IFNL3: variants seen among roughly 807,000 people sequenced by gnomAD.
IFNL3 encodes interferon lambda 3.
IFNL3 carries 16 observed loss-of-function variants against 16.3 expected under a neutral mutation model. That is an observed-to-expected ratio of 0.98 (90% CI 0.67 to 1.50). IFNL3 has a LOEUF of 1.50. IFNL3 is among the 40% of genes most tolerant of loss of function. The pLI is 0.00. For missense variants in IFNL3, 254 were observed against 253.5 expected (o/e 1.00, Z -0.01); for synonymous variants, 115 against 115.3 (o/e 1.00, Z 0.02).
intron 2 of IFNL3, 106 bp downstream of exon 2, chr19:39,244,310 TG>T: frequency 7.0e-7 from 1 of 1,430,450 alleles, no homozygotes; most frequent in Non-Finnish European, 9.4e-7. Context: ...GTAGCAGGTG[TG>T]GGGAGAGGAG....
In IFNL3 at chr19:39,243,803, C is replaced by T. The variant is rs764327213; in HGVS notation, c.492+21G>A. Reference sequence around the variant, plus strand: ...CCAGTGGCTCCCCAGACCTCAGTCCCTCTCTTCCCGGGTCACTCACCTTTT... The same window carrying T: ...CCAGTGGCTCCCCAGACCTCAGTCCTTCTCTTCCCGGGTCACTCACCTTTT... On this transcript the variant is annotated intron_variant, in intron 4 of 4. Coordinates refer to ENST00000413851, the MANE Select transcript of IFNL3 (RefSeq NM_172139.4). 20 of 1,613,578 alleles carry T rather than the reference C, an allele frequency of 1.2e-5. No homozygotes were observed. The African/African-American group carries it at 2.5e-4, about 20-fold the overall frequency.
At position 39,244,001 on chromosome 19, in the gene IFNL3, G is replaced by T. The variant is rs371681575; in HGVS notation, c.408+7C>A. 1.2e-6 allele frequency: 2 copies of T among 1,612,968 alleles called. No individual in the cohort carries two copies. The highest frequency in any genetic ancestry group is 2.7e-5 in the African/African-American group (2 of 74,902). On this transcript the variant is annotated splice_region_variant and intron_variant, in intron 3 of 4. Transcript: ENST00000413851. ...CAGACCTGGGTGCCCGGGCCCTGACGACTCACACAGGCCCGGAGCTGGGAG... is the reference window on the plus strand; with the variant it reads ...CAGACCTGGGTGCCCGGGCCCTGACTACTCACACAGGCCCGGAGCTGGGAG...
Position 39,243,628 on chromosome 19 carries a change from A to C in IFNL3, c.*4T>G. On this transcript the variant is annotated 3_prime_UTR_variant, in exon 5 of 5. Transcript: ENST00000413851. ...AATCTCAGGTTGCATGACTGGCGGA[A>C]GGGTCAGACACACAGGTCCCCGCTG... 1 of 1,585,860 alleles carries C rather than the reference A, an allele frequency of 6.3e-7. No individual in the cohort carries two copies. Among genetic ancestry groups the C allele is most frequent in the Non-Finnish European group, 8.6e-7 (1 of 1,165,846 alleles).
rs567322623 is a variant in IFNL3, at chr19:39,244,348, G to A, written c.258+69C>T. On this transcript the variant is annotated intron_variant, in intron 2 of 4. Transcript: ENST00000413851. ...GAGGGACAATGGAGAAGGAGAAGGT[G>A]AAGGGGCCACTACAGAGCCAGGTGA... 79 of 1,506,040 alleles carry A rather than the reference G, an allele frequency of 5.2e-5. No individual in the cohort carries two copies. The African/African-American group carries it at 9.8e-4, about 19-fold the overall frequency. The allele number at this position is 1,506,040 out of a possible 1,614,324, so 93.3% of individuals were successfully genotyped here.
intron 1 of IFNL3, 79 bp from the exon 2 acceptor site, chr19:39,244,573 A>G (rs1246170551): frequency 1.3e-6 from 2 of 1,491,854 alleles, no homozygotes; most frequent in African/African-American, 2.8e-5. Flanking sequence ...AGGATGGCTG[A>G]CAACAGGATA....
downstream of IFNL3, chr19:39,243,475 T>C: frequency 1.1e-6 from 1 of 926,548 alleles, no homozygotes; most frequent in South Asian, 1.7e-5. Flanking sequence ...TCATTGTTTA[T>C]TTCAACAAGG....
In IFNL3 at chr19:39,243,825, T is replaced by C. The variant is rs756085881; in HGVS notation, c.491A>G (p.Lys164Arg). ...WLHRLQEAPK[K>R]ESPGCLEASV... Reference sequence around the variant, plus strand: ...TCCCTCTCTTCCCGGGTCACTCACCTTTTTTGGGGCCTCCTGGAGCCGGTG... The same window carrying C: ...TCCCTCTCTTCCCGGGTCACTCACCCTTTTTGGGGCCTCCTGGAGCCGGTG... The change falls in exon 4 of 5, where the codon AAG (lysine) becomes AGG (arginine). Residue 164 changes from lysine to arginine, a missense_variant and splice_region_variant. Physicochemically the swap from Lys to Arg is conservative, Grantham distance 26. Coordinates refer to ENST00000413851, the MANE Select transcript of IFNL3 (RefSeq NM_172139.4). The C allele has an allele frequency of 2.0e-5, 32 of 1,613,568 alleles. No homozygotes were observed. The highest frequency in any genetic ancestry group is 2.5e-5 in the Non-Finnish European group (29 of 1,179,892).
At chr19:39,243,981 C>G (rs202125919) in intron 3 of IFNL3, 27 bp downstream of exon 3, 2 of 1,612,088 alleles carry the variant, frequency 1.2e-6, no homozygotes, top group Non-Finnish European at 1.7e-6. Flanking sequence ...GCTCACAGAC[C>G]TGGGTGCCCG....
chr19:39,243,987 G>T, intron 3 of IFNL3, 21 bp downstream of exon 3: 1 of 1,612,276 alleles, frequency 6.2e-7, no homozygotes, highest in Non-Finnish European at 8.5e-7. Flanking sequence ...AGACCTGGGT[G>T]CCCGGGCCCT....
Position 39,244,068 on chromosome 19 carries a change from C to G in IFNL3, c.348G>C (p.Gly116=). 4 of 1,614,174 alleles carry G rather than the reference C, an allele frequency of 2.5e-6. No individual in the cohort carries two copies. The highest frequency in any genetic ancestry group is 3.4e-6 in the Non-Finnish European group (4 of 1,180,032). ...TGTGAAGGGGCTGGTCCAAGACATC[C>G]CCCAGGGCTGGGTCAGTGTCAGCGG... ...EATADTDPAL[G]DVLDQPLHTL... is the part of the protein sequence containing the mutation. The change falls in exon 3 of 5, where the codon GGG becomes GGC. Residue 116 remains glycine (G), a synonymous_variant. Transcript: ENST00000413851.
Position 39,245,000 on chromosome 19 carries a change from A to G in IFNL3, c.-33T>C, listed in dbSNP as rs71356849. The G allele has an allele frequency of 2.3e-3, 3,701 of 1,602,892 alleles. 58 individuals are homozygous for G. In the African/African-American group the frequency reaches 0.047, roughly 20 times the overall value. On this transcript the variant is annotated 5_prime_UTR_variant, in exon 1 of 5. Transcript: ENST00000413851. ...TCACAGAGAGAAAGGGAGCTGAGGG[A>G]ATGCAGAGGCTGCCCACTGAGGGCA...
intron 2 of IFNL3, 70 bp from the exon 3 acceptor site, chr19:39,244,227 A>G: frequency 6.3e-7 from 1 of 1,591,516 alleles, no homozygotes; most frequent in Non-Finnish European, 8.6e-7. Flanking sequence ...GAGGATAGAG[A>G]GGAACAAGTG....
Position 39,244,030 on chromosome 19 carries a change from A to T in IFNL3, c.386T>A (p.Ile129Asn). 1 of 1,614,010 alleles carries T rather than the reference A, an allele frequency of 6.2e-7. No individual in the cohort carries two copies. The highest frequency in any genetic ancestry group is 8.5e-7 in the Non-Finnish European group (1 of 1,179,982). The change falls in exon 3 of 5, where the codon ATC becomes AAC. Residue 129 changes from isoleucine to asparagine, a missense_variant. Coordinates refer to ENST00000413851, the MANE Select transcript of IFNL3 (RefSeq NM_172139.4). ...CACACAGGCCCGGAGCTGGGAGAGG[A>T]TATGGTGCAGGGTGTGAAGGGGCTG... ...LDQPLHTLHH[I>N]LSQLRACIQP... is the part of the protein sequence containing the mutation.
rs772892943 is a variant in IFNL3, at chr19:39,244,067, C to A, written c.349G>T (p.Asp117Tyr). 1 of 1,614,158 alleles carries A rather than the reference C, an allele frequency of 6.2e-7. No homozygotes were observed. Among genetic ancestry groups the A allele is most frequent in the Non-Finnish European group, 8.5e-7 (1 of 1,180,032 alleles). ...ATADTDPALG[D>Y]VLDQPLHTLH... is the part of the protein sequence containing the mutation. ...GTGTGAAGGGGCTGGTCCAAGACAT[C>A]CCCCAGGGCTGGGTCAGTGTCAGCG... Residue 117 changes from aspartate (D) to tyrosine (Y), a missense_variant, in exon 3 of 5, where the codon GAT (aspartate) becomes TAT (tyrosine). Transcript: ENST00000413851.
rs755974428 is a variant in IFNL3, at chr19:39,243,684, C to T, written c.539G>A (p.Arg180His). 37 of 1,608,078 alleles carry T rather than the reference C, an allele frequency of 2.3e-5. No homozygotes were observed. Among genetic ancestry groups the T allele is most frequent in the South Asian group, 4.4e-5 (4 of 90,128 alleles). The change falls in exon 5 of 5, where the codon CGC becomes CAC. Residue 180 changes from arginine (R) to histidine (H), a missense_variant. By Grantham distance (29) the Arg-to-His change is conservative. Transcript: ENST00000413851. ...ACAATTCAGGTCTCGCGTGAGGAGG[C>T]GGAAGAGGTTGAAGGTGACAGAGGC... ...LEASVTFNLFRLLTRDLNCVA... is the reference protein window; with the variant it reads ...LEASVTFNLFHLLTRDLNCVA...
chr19:39,244,646 C>A (rs1034088940), intron 1 of IFNL3, 142 bp downstream of exon 1: 22 of 1,378,132 alleles, frequency 1.6e-5, no homozygotes, highest in Non-Finnish European at 2.1e-5. Context: ...ATGAGTCAGT[C>A]CCTGCAGTAG....
Position 39,244,119 on chromosome 19 carries a change from G to A in IFNL3, c.297C>T (p.Ala99=), listed in dbSNP as rs748051718. Residue 99 remains alanine, a synonymous_variant, in exon 3 of 5, where the codon GCC becomes GCT. Coordinates refer to ENST00000413851, the MANE Select transcript of IFNL3 (RefSeq NM_172139.4). ...ERPVALEAEL[A]LTLKVLEATA... The stretch of plus-strand genomic sequence containing the variant: ...TGGCCTCCAGAACCTTCAGCGTCAG[G>A]GCCAGCTCAGCCTCCAAAGCCACGG... 6 of 1,614,186 alleles carry A rather than the reference G, an allele frequency of 3.7e-6. No individual in the cohort carries two copies. Among genetic ancestry groups the A allele is most frequent in the Non-Finnish European group, 5.1e-6 (6 of 1,180,036 alleles).
At chr19:39,244,557 G>C (rs2074934602) in intron 1 of IFNL3, 63 bp from the exon 2 acceptor site, 13 of 1,522,064 alleles carry the variant, frequency 8.5e-6, no homozygotes, top group Non-Finnish European at 1.2e-5. Flanking sequence ...ACTCTGATGG[G>C]ATTGGAGGAT....
intron 3 of IFNL3, 50 bp downstream of exon 3, chr19:39,243,958 G>T (rs2074928566): frequency 6.2e-7 from 1 of 1,611,718 alleles, no homozygotes; most frequent in South Asian, 1.1e-5. Context: ...CCAGGGGAAG[G>T]ACGCTGCTCA....
Sources: gnomAD v4.1 joint callset for allele counts on GRCh38, gnomAD v4.1.1 for gene constraint, MANE v1.5 for transcripts, NCBI Gene and HGNC (gene_info 2026-07-23, HGNC 2026-07-21) for gene names.